The following SCPPPQ1 variants were observed in gnomAD, a reference collection of about 807,000 sequenced individuals.
SCPPPQ1 encodes secretory calcium-binding phosphoprotein proline- and glutamine-rich 1.
At chr4:87,467,046 TC>T in the SCPPPQ1 span, among the ~76,000 whole-genome samples, 2 of 152,220 alleles carry the variant, frequency 1.3e-5, no homozygotes, top group Admixed American at 1.3e-4. Context: ...CACTTGCTGT[TC>T]CTCTGCCTGA....
At chr4:87,461,104 GTT>G in the SCPPPQ1 span, 1 of 152,434 alleles carries the variant, frequency 6.6e-6, no homozygotes, top group African/African-American at 2.4e-5. Flanking sequence ...TAAAATGAAT[GTT>G]TTTTATTTTA....
chr4:87,466,576 T>G, the SCPPPQ1 span, among the ~76,000 whole-genome samples: 6 of 152,162 alleles, frequency 3.9e-5, no homozygotes, highest in Non-Finnish European at 7.4e-5. Flanking sequence ...TAGTGACAAA[T>G]TTTTAAAAGT....
chr4:87,468,612 T>C, the SCPPPQ1 span, among the ~76,000 whole-genome samples: 1 of 152,210 alleles, frequency 6.6e-6, no homozygotes, highest in Non-Finnish European at 1.5e-5. Flanking sequence ...CAGTATTTCA[T>C]ATATTCTTAG....
the SCPPPQ1 span, among the ~76,000 whole-genome samples, chr4:87,469,947 CTTTTTTTTTT>C: frequency 1.7e-4 from 19 of 114,974 alleles, no homozygotes; most frequent in South Asian, 3.3e-4. Context: ...ACACACAAAT[CTTTTTTTTTT>C]TTTTTTTTTT....
chr4:87,466,762 C>T, the SCPPPQ1 span, among the ~76,000 whole-genome samples: 2 of 152,032 alleles, frequency 1.3e-5, no homozygotes, highest in Non-Finnish European at 2.9e-5. Context: ...GTGGTGTGCA[C>T]CTATAATCCA....
the SCPPPQ1 span, chr4:87,460,814 A>G: frequency 1.3e-5 from 2 of 152,602 alleles, no homozygotes; most frequent in Non-Finnish European, 2.9e-5. Flanking sequence ...TGGTTATATT[A>G]AAGGTTTATT....
the SCPPPQ1 span, among the ~76,000 whole-genome samples, chr4:87,470,158 G>A: frequency 6.6e-6 from 1 of 151,514 alleles, no homozygotes; most frequent in Admixed American, 6.6e-5. Context: ...GTCTTGCTAT[G>A]TTGCCCCCCT....
chr4:87,469,728 G>A, the SCPPPQ1 span, among the ~76,000 whole-genome samples: 1 of 152,014 alleles, frequency 6.6e-6, no homozygotes, highest in Non-Finnish European at 1.5e-5. Flanking sequence ...CCTATTTAGA[G>A]GTGTTGAAAT....
the SCPPPQ1 span, among the ~76,000 whole-genome samples, chr4:87,470,799 G>A: frequency 6.6e-6 from 1 of 152,062 alleles, no homozygotes; most frequent in Non-Finnish European, 1.5e-5. Flanking sequence ...CAATCTTAGT[G>A]CTACTTTGCC....
At chr4:87,463,270 C>T in the SCPPPQ1 span, among the ~76,000 whole-genome samples, 2 of 150,422 alleles carry the variant, frequency 1.3e-5, no homozygotes, top group Non-Finnish European at 3.0e-5. Context: ...TTACCTTTAT[C>T]AATTTAGTCA....
At chr4:87,462,056 TCAC>T in the SCPPPQ1 span, 1 of 152,228 alleles carries the variant, frequency 6.6e-6, no homozygotes, top group Non-Finnish European at 1.5e-5. Flanking sequence ...GAAGATATTT[TCAC>T]CACAATTCCT....
the SCPPPQ1 span, among the ~76,000 whole-genome samples, chr4:87,463,698 G>T: frequency 6.6e-6 from 1 of 152,034 alleles, no homozygotes; most frequent in African/African-American, 2.4e-5. Flanking sequence ...ATATTTGAAA[G>T]TTAGAAAATT....
the SCPPPQ1 span, among the ~76,000 whole-genome samples, chr4:87,470,732 T>C: frequency 1.3e-5 from 2 of 152,218 alleles, no homozygotes; most frequent in Non-Finnish European, 2.9e-5. Flanking sequence ...TTGAGGCAAG[T>C]TATATCTATA....
At chr4:87,464,419 G>A in the SCPPPQ1 span, among the ~76,000 whole-genome samples, 1 of 151,806 alleles carries the variant, frequency 6.6e-6, no homozygotes, top group Non-Finnish European at 1.5e-5. Context: ...ATTTTCTGTT[G>A]TGGGCTCCAG....
the SCPPPQ1 span, among the ~76,000 whole-genome samples, chr4:87,470,761 A>G: frequency 6.6e-6 from 1 of 152,172 alleles, no homozygotes; most frequent in African/African-American, 2.4e-5. Context: ...TTCATCTGTT[A>G]TATATATCTA....
At chr4:87,461,231 A>G in the SCPPPQ1 span, among the ~76,000 whole-genome samples, 1 of 152,214 alleles carries the variant, frequency 6.6e-6, no homozygotes, top group East Asian at 1.9e-4. Flanking sequence ...AAATGAATAC[A>G]TTGATATTTA....
the SCPPPQ1 span, among the ~76,000 whole-genome samples, chr4:87,463,821 A>G: frequency 3.3e-5 from 5 of 152,310 alleles, no homozygotes; most frequent in East Asian, 5.8e-4. Flanking sequence ...TAGGACAACT[A>G]TGAATACTTT....
chr4:87,469,404 T>C, the SCPPPQ1 span, among the ~76,000 whole-genome samples: 2 of 152,154 alleles, frequency 1.3e-5, no homozygotes, highest in Non-Finnish European at 2.9e-5. Flanking sequence ...GCACATGGCA[T>C]ATGGAGCTGA....
At chr4:87,467,872 G>A in the SCPPPQ1 span, among the ~76,000 whole-genome samples, 2 of 152,160 alleles carry the variant, frequency 1.3e-5, no homozygotes, top group Non-Finnish European at 2.9e-5. Flanking sequence ...CTTGTGGTGG[G>A]TAAAAGATAA....
Sources: allele counts gnomAD v4.1 joint callset (sites outside exome capture counted in the v4.1 genomes callset), GRCh38; gene constraint gnomAD v4.1.1; transcripts MANE v1.5; gene names NCBI Gene and HGNC (gene_info 2026-07-23, HGNC 2026-07-21).